The following GUCD1 variants were observed in gnomAD, a reference collection of about 807,000 sequenced individuals.
GUCD1 encodes guanylyl cyclase domain containing 1.
Under a neutral mutation model 28.3 loss-of-function variants are expected in GUCD1, and 17 were observed. That is an observed-to-expected ratio of 0.60 (90% CI 0.41 to 0.90). GUCD1 has a LOEUF of 0.90. Ranked by LOEUF, GUCD1 falls within the 40% of genes least tolerant of loss-of-function variation. The pLI is 0.00. For synonymous variants in GUCD1, 129 were observed against 123.3 expected (o/e 1.05, Z -0.30); for missense variants, 279 against 305.5 (o/e 0.91, Z 0.65).
chr22:24,546,123 G>A (rs1034517760), intron 4 of GUCD1, among the ~76,000 whole-genome samples: 5 of 151,374 alleles, frequency 3.3e-5, no homozygotes, highest in African/African-American at 9.7e-5. Flanking sequence ...CACCACGCCC[G>A]ACTAATTTTT....
At chr22:24,555,883 A>G, upstream of GUCD1, 1 of 1,511,714 alleles carries the variant, frequency 6.6e-7, no homozygotes, top group Non-Finnish European at 8.9e-7. Context: ...CCCAGCCGGC[A>G]GGCGGAGTGA....
intron 1 of GUCD1, among the ~76,000 whole-genome samples, chr22:24,554,492 G>A (rs1032089667): frequency 2.0e-5 from 3 of 152,224 alleles, no homozygotes; most frequent in African/African-American, 4.8e-5. Flanking sequence ...GCAAACTAAC[G>A]GCCAAGACAT....
intron 1 of GUCD1, among the ~76,000 whole-genome samples, chr22:24,552,478 A>C (rs1189632683): frequency 6.6e-6 from 1 of 152,168 alleles, no homozygotes; most frequent in African/African-American, 2.4e-5. Context: ...TGGAAGAAAT[A>C]AACTTTTTTT....
In GUCD1 at chr22:24,541,978, A is replaced by C. The variant is rs1165206590; in HGVS notation, c.*1028T>G. 6.6e-6 allele frequency: 1 copy of C among 152,288 alleles called. No homozygotes were observed. The highest frequency in any genetic ancestry group is 1.9e-4 in the East Asian group (1 of 5,204). The allele number at this position is 152,288 out of a possible 1,614,324, so 9.4% of individuals were successfully genotyped here. ...CCTCCCCAAAAAAGAGGAAGGAAAG[A>C]GCTCTATGCTACTTGCTGTGTTGTA... On this transcript the variant is annotated 3_prime_UTR_variant, in exon 6 of 6. Transcript: ENST00000435822.
chr22:24,554,417 T>C (rs979151065), intron 1 of GUCD1, among the ~76,000 whole-genome samples: 1 of 152,226 alleles, frequency 6.6e-6, no homozygotes, highest in East Asian at 1.9e-4. Flanking sequence ...ACTCCGTTTG[T>C]CATCAACCCC....
chr22:24,547,532 TA>T (rs1169027982), intron 3 of GUCD1: 9 of 214,962 alleles, frequency 4.2e-5, no homozygotes, highest in African/African-American at 1.6e-4. Context: ...TGGTGAAAAG[TA>T]AAAAAATGTG....
upstream of GUCD1, chr22:24,555,488 C>T (rs2045034564): frequency 1.6e-5 from 19 of 1,222,966 alleles, no homozygotes; most frequent in Admixed American, 4.1e-4. Context: ...CCGCCCAGTG[C>T]ATCCCCGAGG....
upstream of GUCD1, chr22:24,555,732 C>T (rs1423147578): frequency 2.6e-6 from 4 of 1,550,574 alleles, no homozygotes; most frequent in Non-Finnish European, 3.5e-6. Flanking sequence ...GCCGTCCAGC[C>T]TGTCCTTGGT....
intron 5 of GUCD1, 137 bp downstream of exon 5, chr22:24,543,705 G>T: frequency 8.9e-7 from 1 of 1,126,716 alleles, no homozygotes; most frequent in Non-Finnish European, 1.3e-6. Flanking sequence ...GAGCCCAGGA[G>T]GAGCAGGGGC....
At chr22:24,550,573 C>T (rs2044845624) in intron 1 of GUCD1, among the ~76,000 whole-genome samples, 1 of 152,228 alleles carries the variant, frequency 6.6e-6, no homozygotes, top group Non-Finnish European at 1.5e-5. Context: ...GTTTCCCCAT[C>T]TGGCAGGTCT....
At chr22:24,554,034 A>T (rs765589223) in intron 1 of GUCD1, among the ~76,000 whole-genome samples, 5 of 152,246 alleles carry the variant, frequency 3.3e-5, no homozygotes, top group African/African-American at 4.8e-5. Flanking sequence ...ACTAGCCTTT[A>T]ATACTTAACC....
At chr22:24,544,651 G>A (rs2044679797) in intron 4 of GUCD1, among the ~76,000 whole-genome samples, 1 of 152,146 alleles carries the variant, frequency 6.6e-6, no homozygotes, top group South Asian at 2.1e-4. Context: ...TCTACCTGGA[G>A]CCTCCCTCAC....
upstream of GUCD1, chr22:24,555,582 C>G (rs1244001539): frequency 6.5e-7 from 1 of 1,547,244 alleles, no homozygotes; most frequent in Non-Finnish European, 8.7e-7. Context: ...TTATCCGTAC[C>G]AGATACCTAG....
At position 24,543,845 on chromosome 22, in the gene GUCD1, C is replaced by T. The variant is rs148786357; in HGVS notation, c.625G>A (p.Asp209Asn). ...ACCCACCCCACCCAGCACTCACGGT[C>T]GGCATAGGCTGGGTTGTTGTAGAAG... is the stretch of plus-strand genomic sequence containing the variant. The part of the protein sequence containing the change: ...CIFYNNPAYA[D>N]RMCSTSISNF... Residue 209 changes from aspartate (D) to asparagine (N), a missense_variant, in exon 5 of 6, where the codon GAC becomes AAC. Asp to Asn is a conservative substitution (Grantham distance 23, BLOSUM62 1). Coordinates refer to ENST00000435822, the MANE Select transcript of GUCD1 (RefSeq NM_001284254.2). The T allele has an allele frequency of 2.9e-4, 462 of 1,613,658 alleles. No individual in the cohort carries two copies. The highest frequency in any genetic ancestry group is 3.6e-4 in the Non-Finnish European group (426 of 1,179,778).
intron 1 of GUCD1, among the ~76,000 whole-genome samples, chr22:24,550,389 A>G (rs2044840966): frequency 6.6e-6 from 1 of 152,074 alleles, no homozygotes. Flanking sequence ...GGGATGGGGG[A>G]ACAGCATGTG....
At chr22:24,555,350 A>G (rs896896832), upstream of GUCD1, 1 of 1,363,390 alleles carries the variant, frequency 7.3e-7, no homozygotes, top group Non-Finnish European at 9.5e-7. Flanking sequence ...GGGCCCCGGA[A>G]GCCCCGCCCC....
At chr22:24,554,861 A>C in intron 1 of GUCD1, 88 bp downstream of exon 1, 3 of 1,067,516 alleles carry the variant, frequency 2.8e-6, no homozygotes, top group Non-Finnish European at 4.2e-6. Flanking sequence ...GAGTCGGCCC[A>C]AGGTCGCGCG....
rs562198328 is a variant in GUCD1 at position 24,547,176 on chromosome 22, C to A, written c.295-171G>T. On this transcript the variant is annotated intron_variant, in intron 3 of 5. Coordinates refer to ENST00000435822, the MANE Select transcript of GUCD1 (RefSeq NM_001284254.2). Reference sequence around the variant, plus strand: ...CAAGCCAGATCAGAAAGCTGTCTGTCCTAAGCAGGAGCAGGGAAGCAGGAC... The same window carrying A: ...CAAGCCAGATCAGAAAGCTGTCTGTACTAAGCAGGAGCAGGGAAGCAGGAC... 1.4e-4 allele frequency: 85 copies of A among 605,014 alleles called. 2 individuals are homozygous for A. In the South Asian group the frequency reaches 1.5e-3, roughly 11 times the overall value. The allele number at this position is 605,014 out of a possible 1,614,324, so 37.5% of individuals were successfully genotyped here. A position where few individuals can be genotyped will look rare whatever the true frequency, so the allele number is the denominator to read the frequency against.
chr22:24,548,473 G>A (rs550729929), intron 2 of GUCD1, among the ~76,000 whole-genome samples: 2 of 152,348 alleles, frequency 1.3e-5, no homozygotes, highest in African/African-American at 4.8e-5. Flanking sequence ...AGATGCAGCT[G>A]CCCTGTGGTT....
Sources: gnomAD v4.1 joint callset for allele counts (sites outside exome capture counted in the v4.1 genomes callset) on GRCh38, gnomAD v4.1.1 for gene constraint, MANE v1.5 for transcripts, NCBI Gene and HGNC (gene_info 2026-07-23, HGNC 2026-07-21) for gene names.